RARB: variants seen among roughly 807,000 people sequenced by gnomAD.
The protein encoded by RARB is HBV-activated protein.
In RARB, 17 loss-of-function variants were observed where a neutral mutation model predicts 51.9. The observed-to-expected ratio is 0.33, with a 90% CI of 0.22 to 0.49. RARB has a LOEUF of 0.49. Among genes scored for constraint, RARB ranks in the 20% least tolerant of loss-of-function variants. The pLI, the probability that RARB is intolerant of heterozygous loss-of-function variation, is 0.99. For missense variants in RARB, 369 were observed against 550.8 expected, an observed-to-expected ratio of 0.67 and a Z score of 3.30; for synonymous variants, 215 against 195.4, an observed-to-expected ratio of 1.10 and a Z score of -0.84.
chr3:25,076,742 A>G (rs756775035), intron 3 of RARB, among the ~76,000 whole-genome samples: 1 of 152,156 alleles, frequency 6.6e-6, no homozygotes, highest in Non-Finnish European at 1.5e-5. Flanking sequence ...TTGCTTTTTA[A>G]TAAAACCAAG....
At chr3:24,909,069 T>C (rs550363113) in intron 2 of RARB, among the ~76,000 whole-genome samples, 90 of 152,314 alleles carry the variant, frequency 5.9e-4, no homozygotes, top group African/African-American at 2.1e-3. Flanking sequence ...AGGCATCATT[T>C]TTACTTTTCA....
At chr3:25,570,673 T>C (rs965839693) in intron 4 of RARB, among the ~76,000 whole-genome samples, 5 of 152,198 alleles carry the variant, frequency 3.3e-5, no homozygotes, top group African/African-American at 1.2e-4. Flanking sequence ...TTTTTCCAAG[T>C]GGTTTTTGCA....
intron 2 of RARB, among the ~76,000 whole-genome samples, chr3:24,861,723 T>G (rs1397671146): frequency 6.6e-6 from 1 of 152,182 alleles, no homozygotes; most frequent in Non-Finnish European, 1.5e-5. Flanking sequence ...ACGTATCTGC[T>G]TCTGCATTCA....
chr3:25,219,351 C>G lies in RARB; in HGVS notation c.178+44776C>G, dbSNP rs545418939. On this transcript the variant is annotated intron_variant, in intron 5 of 11. Transcript: ENST00000383772. ...ACCCTATTCTCATTTTCTGGCTGTT[C>G]CTGTAAAAGAGAGAGAGCATAGAAG... Among the ~76,000 whole-genome samples the G allele has an allele frequency of 2.0e-5, 3 of 152,114 alleles. No homozygotes were observed. The South Asian group carries it at 6.2e-4, about 32-fold the overall frequency.
intron 5 of RARB, among the ~76,000 whole-genome samples, chr3:25,238,584 A>G (rs906136573): frequency 6.6e-6 from 1 of 152,172 alleles, no homozygotes; most frequent in Admixed American, 6.5e-5. Flanking sequence ...AAATTGCCAT[A>G]CACATTTGCA....
At position 25,255,182 on chromosome 3, in the gene RARB, C is replaced by T. The variant is rs528420720; in HGVS notation, c.178+80607C>T. On this transcript the variant is annotated intron_variant, in intron 5 of 11. Transcript: ENST00000383772. The stretch of plus-strand genomic sequence containing the variant: ...CTTAGTTCTCTCATGCAGTCTTCCC[C>T]CACCTTCACAGACACAGTAGTAGAT... Among the ~76,000 whole-genome samples the T allele has an allele frequency of 2.0e-5, 3 of 152,156 alleles. No homozygotes were observed. The South Asian group carries it at 6.2e-4, about 32-fold the overall frequency.
intron 2 of RARB, among the ~76,000 whole-genome samples, chr3:24,952,161 GC>G (rs1695907104): frequency 3.3e-5 from 5 of 152,080 alleles, no homozygotes; most frequent in Admixed American, 2.6e-4. Context: ...GATCCTTTGA[GC>G]CAAGAGTTCA....
At chr3:25,543,324 G>A (rs553001502) in intron 3 of RARB, among the ~76,000 whole-genome samples, 1 of 152,262 alleles carries the variant, frequency 6.6e-6, no homozygotes, top group Admixed American at 6.5e-5. Flanking sequence ...TTAACTAGGA[G>A]TTGCCAGAAA....
At chr3:25,070,570 A>C (rs1037674050) in intron 3 of RARB, among the ~76,000 whole-genome samples, 4 of 152,230 alleles carry the variant, frequency 2.6e-5, no homozygotes, top group African/African-American at 9.6e-5. Flanking sequence ...AAATTATAGT[A>C]CTTACAATAT....
At chr3:25,359,021 T>C in intron 5 of RARB, among the ~76,000 whole-genome samples, 1 of 152,128 alleles carries the variant, frequency 6.6e-6, no homozygotes, top group Middle Eastern at 3.2e-3. Flanking sequence ...GAGTCACTCT[T>C]TTTCTATTGT....
chr3:24,953,401 G>C (rs1184790550), intron 2 of RARB, among the ~76,000 whole-genome samples: 1 of 152,184 alleles, frequency 6.6e-6, no homozygotes, highest in African/African-American at 2.4e-5. Context: ...ATCTTGGTTA[G>C]AATTGCTTTA....
At chr3:25,252,407 G>C (rs968774626) in intron 5 of RARB, among the ~76,000 whole-genome samples, 1 of 152,066 alleles carries the variant, frequency 6.6e-6, no homozygotes, top group Admixed American at 6.6e-5. Flanking sequence ...ATTTTGATAG[G>C]GGTTGTATTG....
chr3:25,535,034 A>C (rs1699081491), intron 3 of RARB, among the ~76,000 whole-genome samples: 1 of 152,196 alleles, frequency 6.6e-6, no homozygotes, highest in African/African-American at 2.4e-5. Context: ...TATTGCATTA[A>C]TGATATGCAA....
chr3:24,960,880 T>C (rs1219764488), intron 2 of RARB, among the ~76,000 whole-genome samples: 1 of 152,136 alleles, frequency 6.6e-6, no homozygotes, highest in African/African-American at 2.4e-5. Context: ...ATAAAAATGT[T>C]TGGTAGGATT....
At chr3:25,190,584 G>A (rs1339561442) in intron 5 of RARB, among the ~76,000 whole-genome samples, 1 of 152,006 alleles carries the variant, frequency 6.6e-6, no homozygotes, top group African/African-American at 2.4e-5. Context: ...TTATTTAACA[G>A]GCAAATGAAA....
At chr3:24,874,736 T>C (rs1318506204) in intron 2 of RARB, among the ~76,000 whole-genome samples, 1 of 152,038 alleles carries the variant, frequency 6.6e-6, no homozygotes, top group African/African-American at 2.4e-5. Flanking sequence ...TTTGGCAGTC[T>C]TTAGTTTTAC....
At chr3:25,361,668 G>A (rs911486028) in intron 5 of RARB, among the ~76,000 whole-genome samples, 1 of 152,036 alleles carries the variant, frequency 6.6e-6, no homozygotes, top group African/African-American at 2.4e-5. Context: ...GTTTTTGCGT[G>A]GTCATCCTTT....
At chr3:24,873,806 T>C (rs1468439620) in intron 2 of RARB, among the ~76,000 whole-genome samples, 2 of 152,058 alleles carry the variant, frequency 1.3e-5, no homozygotes, top group Non-Finnish European at 2.9e-5. Context: ...GATACCTACT[T>C]TTGACAATCG....
chr3:24,909,015 C>G (rs918266264), intron 2 of RARB, among the ~76,000 whole-genome samples: 2 of 152,114 alleles, frequency 1.3e-5, no homozygotes, highest in Non-Finnish European at 2.9e-5. Context: ...ACATTGATCT[C>G]TCCCGTTATA....
Sources: allele counts gnomAD v4.1 joint callset (sites outside exome capture counted in the v4.1 genomes callset), GRCh38; gene constraint gnomAD v4.1.1; transcripts MANE v1.5; gene names NCBI Gene and HGNC (gene_info 2026-07-23, HGNC 2026-07-21).